The following POC1B variants were observed in gnomAD, a reference collection of about 807,000 sequenced individuals.
POC1B encodes the protein POC1 centriolar protein homolog B.
POC1B carries 44 observed loss-of-function variants against 60.6 expected under a neutral mutation model. The observed-to-expected ratio is 0.73, with a 90% CI of 0.57 to 0.93. The LOEUF is 0.93. Ranked by LOEUF, POC1B falls within the 40% of genes least tolerant of loss-of-function variation. The probability of loss-of-function intolerance (pLI) is 0.00; values close to 1 mark genes in which losing one functional copy is unlikely to be tolerated. For missense variants in POC1B, 555 were observed against 572.3 expected (o/e 0.97, Z 0.31); for synonymous variants, 180 against 198.9 (o/e 0.90, Z 0.80).
chr12:89,430,577 C>T (rs151012613), intron 10 of POC1B, among the ~76,000 whole-genome samples: 1 of 152,174 alleles, frequency 6.6e-6, no homozygotes, highest in Admixed American at 6.5e-5. Flanking sequence ...CTCCTTTCCT[C>T]TTCTCTCCTT....
intron 2 of POC1B, among the ~76,000 whole-genome samples, chr12:89,503,026 A>G (rs1869660334): frequency 1.3e-5 from 2 of 152,100 alleles, no homozygotes; most frequent in African/African-American, 4.8e-5. Context: ...CTTTGTAATT[A>G]CTTGTGATGT....
At chr12:89,452,799 AT>A (rs1204587966) in intron 10 of POC1B, among the ~76,000 whole-genome samples, 1 of 152,194 alleles carries the variant, frequency 6.6e-6, no homozygotes, top group Non-Finnish European at 1.5e-5. Context: ...TGAAAAAAAA[AT>A]AAACCACGTT....
At chr12:89,525,713 C>T in intron 1 of POC1B, 168 bp downstream of exon 1, 1 of 1,262,568 alleles carries the variant, frequency 7.9e-7, no homozygotes, top group Non-Finnish European at 1.0e-6. Flanking sequence ...TCCGTCCGCC[C>T]CGATGGCAGA....
intron 10 of POC1B, among the ~76,000 whole-genome samples, chr12:89,445,472 T>C (rs1386927171): frequency 2.0e-5 from 3 of 152,158 alleles, no homozygotes; most frequent in Non-Finnish European, 4.4e-5. Flanking sequence ...CACCATCTGA[T>C]CTTTGATAAA....
intron 10 of POC1B, among the ~76,000 whole-genome samples, chr12:89,439,597 T>G (rs114307156): frequency 0.017 from 2,610 of 152,172 alleles, 73 homozygotes; most frequent in African/African-American, 0.06. Context: ...AGTTTTATTT[T>G]ATTTTGTTTT....
intron 9 of POC1B, among the ~76,000 whole-genome samples, chr12:89,463,534 T>A (rs1882557774): frequency 1.3e-5 from 2 of 152,172 alleles, no homozygotes; most frequent in African/African-American, 4.8e-5. Flanking sequence ...GAACTAGTGA[T>A]GTGCTATAGC....
In POC1B at chr12:89,491,948, AC is replaced by A; in HGVS notation, c.439del (p.Val147TyrfsTer12). 6.5e-7 allele frequency: 1 copy of A among 1,549,746 alleles called. No homozygotes were observed. The highest frequency in any genetic ancestry group is 1.4e-5 in the African/African-American group (1 of 72,390). ...LYSLYRHTHW[V>X]RCAKFSPDGR... ...TTTTTGCACTTACTTGGCACAGCGT[AC>A]CCAGTGTGTATGTCGATACAAGGAA... On this transcript the variant is annotated frameshift_variant, in exon 4 of 12. Transcript: ENST00000313546. LOFTEE classifies it high-confidence loss of function.
At chr12:89,485,309 G>C (rs1168209644) in intron 4 of POC1B, 1 of 152,220 alleles carries the variant, frequency 6.6e-6, no homozygotes. Flanking sequence ...AGGCCCTCCA[G>C]ACATTGGTCT....
chr12:89,453,779 C>T (rs570380573), intron 10 of POC1B, among the ~76,000 whole-genome samples: 1 of 152,176 alleles, frequency 6.6e-6, no homozygotes, highest in African/African-American at 2.4e-5. Flanking sequence ...ACTAGTTACT[C>T]AATGTTGTCT....
At chr12:89,443,088 C>A (rs1048898240) in intron 10 of POC1B, among the ~76,000 whole-genome samples, 1 of 152,166 alleles carries the variant, frequency 6.6e-6, no homozygotes, top group Non-Finnish European at 1.5e-5. Flanking sequence ...TGCAGGAGCA[C>A]CCAGATTCAT....
intron 2 of POC1B, among the ~76,000 whole-genome samples, chr12:89,516,530 G>C (rs1052560655): frequency 6.6e-6 from 1 of 152,186 alleles, no homozygotes; most frequent in African/African-American, 2.4e-5. Flanking sequence ...ATAGTAGCCA[G>C]AGTGGTCTTT....
At chr12:89,490,640 C>T (rs1317494745) in intron 4 of POC1B, among the ~76,000 whole-genome samples, 1 of 152,050 alleles carries the variant, frequency 6.6e-6, no homozygotes, top group Non-Finnish European at 1.5e-5. Context: ...CCACCGTGCC[C>T]AGCCCCCAGA....
chr12:89,417,668 T>G (rs1286740576), downstream of POC1B, among the ~76,000 whole-genome samples: 1 of 152,240 alleles, frequency 6.6e-6, no homozygotes, highest in Non-Finnish European at 1.5e-5. Flanking sequence ...CTGTAGCAGC[T>G]AGGAAGACAG....
In POC1B at chr12:89,524,879, A is replaced by G. The variant is rs1871288841; in HGVS notation, c.100+241T>C. 3 of 660,186 alleles carry G rather than the reference A, an allele frequency of 4.5e-6. No individual in the cohort carries two copies. The South Asian group carries it at 5.8e-5, about 13-fold the overall frequency. The allele number at this position is 660,186 out of a possible 1,614,324, so 40.9% of individuals were successfully genotyped here. A position where few individuals can be genotyped will look rare whatever the true frequency, so the allele number is the denominator to read the frequency against. ...CTCCTCCTGGTGGTTAGTTTGCGAA[A>G]GTCGTCCGCCAGGCCCAGACCGCTG... On this transcript the variant is annotated intron_variant, in intron 2 of 11. Transcript: ENST00000313546.
Position 89,519,044 on chromosome 12 carries a change from C to T in POC1B, c.100+6076G>A, listed in dbSNP as rs75891801. Among the ~76,000 whole-genome samples, 1,039 of 152,024 alleles carry T rather than the reference C, an allele frequency of 6.8e-3. 12 individuals are homozygous for T. Among genetic ancestry groups the T allele is most frequent in the African/African-American group, 0.024 (996 of 41,472 alleles). On this transcript the variant is annotated intron_variant, in intron 2 of 11. Transcript: ENST00000313546. ...GTGGAAGGGAATTTCATTTATGGAC[C>T]GGGGAAATATGAGGATATGTGGTTT... is the stretch of plus-strand genomic sequence containing the variant.
At chr12:89,499,248 G>A (rs1288562315) in intron 2 of POC1B, among the ~76,000 whole-genome samples, 1 of 152,128 alleles carries the variant, frequency 6.6e-6, no homozygotes, top group Non-Finnish European at 1.5e-5. Context: ...ATTAATGCAG[G>A]AACAGAAAAC....
At chr12:89,414,857 T>C (rs1251855979), downstream of POC1B, among the ~76,000 whole-genome samples, 1 of 152,196 alleles carries the variant, frequency 6.6e-6, no homozygotes, top group Admixed American at 6.5e-5. Context: ...ACTAACAGCC[T>C]CCAAGTTTGC....
At chr12:89,524,877 A>G in intron 2 of POC1B, 1 of 656,898 alleles carries the variant, frequency 1.5e-6, no homozygotes, top group South Asian at 1.9e-5. Flanking sequence ...TTAGTTTGCG[A>G]AAGTCGTCCG....
At chr12:89,437,774 G>A (rs1592585332) in intron 10 of POC1B, among the ~76,000 whole-genome samples, 1 of 152,258 alleles carries the variant, frequency 6.6e-6, no homozygotes, top group South Asian at 2.1e-4. Context: ...TTGGCCAGGT[G>A]CAGTGGCTCA....
Sources: gnomAD v4.1 joint callset for allele counts (sites outside exome capture counted in the v4.1 genomes callset) on GRCh38, gnomAD v4.1.1 for gene constraint, MANE v1.5 for transcripts, NCBI Gene and HGNC (gene_info 2026-07-23, HGNC 2026-07-21) for gene names.